EYA4: variants seen among roughly 807,000 people sequenced by gnomAD.
The protein encoded by EYA4 is EYA transcriptional coactivator and phosphatase 4, also known as protein phosphatase EYA4.
In EYA4, 31 loss-of-function variants were observed where a neutral mutation model predicts 87.9. The observed-to-expected ratio is 0.35, with a 90% CI of 0.27 to 0.48. EYA4 has a LOEUF of 0.48. Ranked by LOEUF, EYA4 falls within the 20% of genes least tolerant of loss-of-function variation. The pLI, the probability that EYA4 is intolerant of heterozygous loss-of-function variation, is 0.99. For missense variants in EYA4, 678 were observed against 761.4 expected (o/e 0.89, Z 1.29); for synonymous variants, 263 against 270.6 (o/e 0.97, Z 0.28).
intron 2 of EYA4, among the ~76,000 whole-genome samples, chr6:133,379,121 A>G (rs769671000): frequency 6.6e-5 from 10 of 152,060 alleles, no homozygotes; most frequent in Non-Finnish European, 1.5e-4. Flanking sequence ...CACATTCAGA[A>G]GTAAGCCTGG....
chr6:133,458,666 T>G (rs937145988), intron 6 of EYA4, among the ~76,000 whole-genome samples: 1 of 152,080 alleles, frequency 6.6e-6, no homozygotes, highest in South Asian at 2.1e-4. Flanking sequence ...CAAAGATGTC[T>G]TACTAAAGAC....
intron 3 of EYA4, among the ~76,000 whole-genome samples, chr6:133,396,262 G>A (rs212803): frequency 6.6e-6 from 1 of 152,114 alleles, no homozygotes; most frequent in Admixed American, 6.5e-5. Flanking sequence ...CAAGAACATA[G>A]ACAGTCTTAT....
intron 11 of EYA4, among the ~76,000 whole-genome samples, chr6:133,478,848 C>A (rs1212257875): frequency 6.6e-6 from 1 of 152,170 alleles, no homozygotes; most frequent in Non-Finnish European, 1.5e-5. Flanking sequence ...GCTGCTGGAT[C>A]CCAGTTCATT....
chr6:133,274,129 A>G (rs1267562601), intron 1 of EYA4, among the ~76,000 whole-genome samples: 3 of 152,186 alleles, frequency 2.0e-5, no homozygotes, highest in Admixed American at 6.5e-5. Context: ...ATAGTTAACC[A>G]GTTATCTCAC....
chr6:133,529,155 A>G lies in EYA4; in HGVS notation c.*350A>G. On this transcript the variant is annotated 3_prime_UTR_variant, in exon 20 of 20. Coordinates refer to ENST00000355286, the MANE Select transcript of EYA4 (RefSeq NM_004100.5). ...CATGCTCCGTCTGACAAGGTGGTCA[A>G]CAACATTCCTCAAAATGGGAGATCT... is the stretch of plus-strand genomic sequence containing the variant. 1 of 1,178,052 alleles carries G rather than the reference A, an allele frequency of 8.5e-7. No homozygotes were observed. The highest frequency in any genetic ancestry group is 1.1e-6 in the Non-Finnish European group (1 of 939,304). 73.0% of individuals were successfully genotyped at this position (1,178,052 alleles called of 1,614,324 possible).
intron 2 of EYA4, among the ~76,000 whole-genome samples, chr6:133,325,935 G>A (rs1054036215): frequency 2.6e-5 from 4 of 152,198 alleles, no homozygotes; most frequent in Non-Finnish European, 4.4e-5. Context: ...TTAGCTACCC[G>A]TCTTGGGGTT....
chr6:133,271,480 C>T lies in EYA4; in HGVS notation c.-65-3236C>T, dbSNP rs143770374. On this transcript the variant is annotated intron_variant, in intron 1 of 19. Transcript: ENST00000355286. The stretch of plus-strand genomic sequence containing the variant: ...GTAGTCTTGGCAGAAGCATTGCGTG[C>T]AGAATAGGCAGACCCATATCCACAG... Among the ~76,000 whole-genome samples the T allele has an allele frequency of 3.0e-4, 46 of 152,290 alleles. No individual in the cohort carries two copies. The South Asian group carries it at 3.1e-3, about 10-fold the overall frequency.
chr6:133,467,445 A>C (rs1794948109), intron 10 of EYA4, among the ~76,000 whole-genome samples: 2 of 152,118 alleles, frequency 1.3e-5, no homozygotes, highest in African/African-American at 4.8e-5. Flanking sequence ...CAGAGTAAGC[A>C]CTATGTAAAC....
intron 2 of EYA4, among the ~76,000 whole-genome samples, chr6:133,307,398 T>G (rs1328201833): frequency 6.6e-6 from 1 of 152,220 alleles, no homozygotes; most frequent in African/African-American, 2.4e-5. Context: ...TGGGAAAAAT[T>G]CTTACTGGGT....
chr6:133,490,806 C>T (rs1562481966), intron 13 of EYA4, among the ~76,000 whole-genome samples: 1 of 152,122 alleles, frequency 6.6e-6, no homozygotes, highest in Non-Finnish European at 1.5e-5. Flanking sequence ...CATCCAGACA[C>T]ACAATCAACA....
At chr6:133,446,127 T>C (rs891119931) in intron 3 of EYA4, among the ~76,000 whole-genome samples, 5 of 152,090 alleles carry the variant, frequency 3.3e-5, no homozygotes, top group African/African-American at 9.7e-5. Flanking sequence ...TTCTTCCATA[T>C]TGGTGGCAGG....
intron 3 of EYA4, among the ~76,000 whole-genome samples, chr6:133,383,853 A>G (rs1370711246): frequency 6.6e-6 from 1 of 152,210 alleles, no homozygotes; most frequent in Non-Finnish European, 1.5e-5. Flanking sequence ...CCTACAAAGC[A>G]GAGTAGTTCT....
Position 133,429,669 on chromosome 6 carries a change from A to G in EYA4, c.84-16961A>G, listed in dbSNP as rs151019441. On this transcript the variant is annotated intron_variant, in intron 3 of 19. Coordinates refer to ENST00000355286, the MANE Select transcript of EYA4 (RefSeq NM_004100.5). Reference sequence around the variant, plus strand: ...TTTTGTTTTGTTTTCATGATCATCAATTAAATGTTTCAAAGTTAGTCAGTG... The same window carrying G: ...TTTTGTTTTGTTTTCATGATCATCAGTTAAATGTTTCAAAGTTAGTCAGTG... Among the ~76,000 whole-genome samples, 455 of 152,306 alleles carry G rather than the reference A, an allele frequency of 3.0e-3. 4 individuals are homozygous for G. The highest frequency in any genetic ancestry group is 0.011 in the African/African-American group (445 of 41,570).
At chr6:133,258,836 G>A (rs1046502285) in intron 1 of EYA4, among the ~76,000 whole-genome samples, 5 of 152,076 alleles carry the variant, frequency 3.3e-5, no homozygotes, top group South Asian at 2.1e-4. Flanking sequence ...TAGCTTAAAC[G>A]TTAGTCTTTT....
intron 2 of EYA4, among the ~76,000 whole-genome samples, chr6:133,305,987 T>TTGTG (rs5880173): frequency 0.81 from 122,624 of 151,464 alleles, 49,784 homozygotes; most frequent in South Asian, 0.86. Flanking sequence ...ATAGATGTCA[T>TTGTG]TGTGTGTGTG....
At chr6:133,286,678 A>T (rs1255783707) in intron 2 of EYA4, among the ~76,000 whole-genome samples, 1 of 152,256 alleles carries the variant, frequency 6.6e-6, no homozygotes, top group Non-Finnish European at 1.5e-5. Context: ...TACAGCTATG[A>T]ATAGGTATTG....
chr6:133,395,489 G>A (rs1787703867), intron 3 of EYA4, among the ~76,000 whole-genome samples: 2 of 152,164 alleles, frequency 1.3e-5, no homozygotes, highest in Admixed American at 1.3e-4. Flanking sequence ...TTGGGCTGTG[G>A]TGGCTCCCGC....
chr6:133,270,973 C>G lies in EYA4; in HGVS notation c.-65-3743C>G, dbSNP rs114135194. ...CAGTTTAATGGAATCGTTGTTGTCT[C>G]TCCTGGTGGCAGTGTTCCTCCCTCT... On this transcript the variant is annotated intron_variant, in intron 1 of 19. Coordinates refer to ENST00000355286, the MANE Select transcript of EYA4 (RefSeq NM_004100.5). 7.1e-3 allele frequency among the ~76,000 whole-genome samples: 1,088 copies of G among 152,232 alleles called. 9 individuals carry two copies. Among genetic ancestry groups the G allele is most frequent in the African/African-American group, 0.025 (1,054 of 41,536 alleles).
chr6:133,299,552 A>C (rs958607930), intron 2 of EYA4, among the ~76,000 whole-genome samples: 10 of 151,790 alleles, frequency 6.6e-5, no homozygotes, highest in African/African-American at 2.4e-4. Context: ...TCTACTAAAA[A>C]TACACAAAAA....
Sources: gnomAD v4.1 joint callset for allele counts (sites outside exome capture counted in the v4.1 genomes callset) on GRCh38, gnomAD v4.1.1 for gene constraint, MANE v1.5 for transcripts, NCBI Gene and HGNC (gene_info 2026-07-23, HGNC 2026-07-21) for gene names.